CTNNA3: variants seen among roughly 807,000 people sequenced by gnomAD.
The protein encoded by CTNNA3 is catenin alpha 3, also known as catenin alpha-3.
In CTNNA3, 76 loss-of-function variants were observed where a neutral mutation model predicts 95.7. That is an observed-to-expected ratio of 0.79 (90% CI 0.66 to 0.96). CTNNA3 has a LOEUF of 0.96. Ranked by LOEUF, CTNNA3 falls within the 40% of genes least tolerant of loss-of-function variation. The pLI, the probability that CTNNA3 is intolerant of heterozygous loss-of-function variation, is 0.00. For missense variants in CTNNA3, 1,191 were observed against 1,089.8 expected (o/e 1.09, Z -1.31); for synonymous variants, 431 against 374.4 (o/e 1.15, Z -1.74).
chr10:67,219,958 AATGAAAAGATAATAG>A, intron 5 of CTNNA3, 88 bp from the exon 6 acceptor site: 1 of 1,077,684 alleles, frequency 9.3e-7, no homozygotes, highest in Non-Finnish European at 1.3e-6. Context: ...TGTAAGTATA[AATGAAAAGATAATAG>A]ACATGAAGAA....
intron 10 of CTNNA3, among the ~76,000 whole-genome samples, chr10:66,542,221 T>C (rs1841879560): frequency 6.6e-6 from 1 of 152,070 alleles, no homozygotes; most frequent in South Asian, 2.1e-4. Context: ...ATGGCAATCA[T>C]TAAAAAATCA....
chr10:66,517,146 C>T (rs1260026103), intron 11 of CTNNA3, among the ~76,000 whole-genome samples: 5 of 151,802 alleles, frequency 3.3e-5, no homozygotes, highest in Admixed American at 1.3e-4. Context: ...TGCTTGAATC[C>T]GGGAGGTGGA....
intron 12 of CTNNA3, among the ~76,000 whole-genome samples, chr10:66,331,184 G>A (rs2092323052): frequency 6.6e-6 from 1 of 151,750 alleles, no homozygotes; most frequent in Non-Finnish European, 1.5e-5. Context: ...TTCTTCTAGG[G>A]TTTTTATGGT....
intron 13 of CTNNA3, among the ~76,000 whole-genome samples, chr10:66,148,823 A>AACT (rs553419605): frequency 9.5e-4 from 144 of 152,264 alleles, no homozygotes; most frequent in African/African-American, 3.3e-3. Flanking sequence ...CACAAATAGT[A>AACT]ACTACTAGCT....
chr10:66,857,542 A>G (rs1167252817), intron 7 of CTNNA3, among the ~76,000 whole-genome samples: 2 of 152,120 alleles, frequency 1.3e-5, no homozygotes, highest in African/African-American at 4.8e-5. Flanking sequence ...ATTCATGAGC[A>G]TAGGATGTTT....
At chr10:66,780,285 G>T (rs1200503458) in intron 7 of CTNNA3, among the ~76,000 whole-genome samples, 1 of 152,040 alleles carries the variant, frequency 6.6e-6, no homozygotes, top group Non-Finnish European at 1.5e-5. Context: ...TTGAGGAGAT[G>T]ACAAGCAGAA....
intron 5 of CTNNA3, among the ~76,000 whole-genome samples, chr10:67,236,648 C>T (rs1002105592): frequency 6.7e-6 from 1 of 150,374 alleles, no homozygotes; most frequent in Non-Finnish European, 1.5e-5. Flanking sequence ...GTACCCTAAA[C>T]CTTAAAGTAT....
intron 3 of CTNNA3, among the ~76,000 whole-genome samples, chr10:67,586,556 T>C (rs1478752261): frequency 6.6e-6 from 1 of 152,170 alleles, no homozygotes; most frequent in Admixed American, 6.6e-5. Flanking sequence ...TATCATTATA[T>C]AATGATCTTG....
At chr10:66,408,998 G>A (rs1478027247) in intron 11 of CTNNA3, among the ~76,000 whole-genome samples, 1 of 152,044 alleles carries the variant, frequency 6.6e-6, no homozygotes, top group Non-Finnish European at 1.5e-5. Context: ...TTTGCTAATA[G>A]GTACAGTATA....
chr10:67,114,736 G>C (rs1273325528), intron 7 of CTNNA3, among the ~76,000 whole-genome samples: 1 of 151,384 alleles, frequency 6.6e-6, no homozygotes, highest in Non-Finnish European at 1.5e-5. Context: ...GTGTGTGTGT[G>C]TGTGTGTGTA....
chr10:66,098,902 TC>T (rs1161156852), intron 14 of CTNNA3: 2 of 152,234 alleles, frequency 1.3e-5, no homozygotes, highest in African/African-American at 2.4e-5. Flanking sequence ...GCATTATTGG[TC>T]TTTTAATATT....
chr10:65,974,042 A>C (rs1379982338), intron 16 of CTNNA3, among the ~76,000 whole-genome samples: 1 of 152,198 alleles, frequency 6.6e-6, no homozygotes, highest in East Asian at 1.9e-4. Flanking sequence ...AAAATAAGAT[A>C]CTATCTCACA....
At chr10:67,739,626 A>T (rs1428666608) in intron 1 of CTNNA3, among the ~76,000 whole-genome samples, 2 of 151,750 alleles carry the variant, frequency 1.3e-5, no homozygotes, top group African/African-American at 2.4e-5. Flanking sequence ...CTTCAAGGAG[A>T]ACTACAAACC....
chr10:67,690,612 C>T (rs1253783189), intron 1 of CTNNA3, among the ~76,000 whole-genome samples: 1 of 152,130 alleles, frequency 6.6e-6, no homozygotes, highest in African/African-American at 2.4e-5. Flanking sequence ...GTTTACAAAC[C>T]TTTAGCTAGA....
chr10:67,340,746 A>G (rs1842153761), intron 5 of CTNNA3, among the ~76,000 whole-genome samples: 1 of 152,266 alleles, frequency 6.6e-6, no homozygotes, highest in South Asian at 2.1e-4. Flanking sequence ...GCAATTTTAC[A>G]TAAGATGTGG....
chr10:67,402,453 T>G (rs1844958437), intron 5 of CTNNA3, among the ~76,000 whole-genome samples: 1 of 151,992 alleles, frequency 6.6e-6, no homozygotes, highest in Non-Finnish European at 1.5e-5. Context: ...CAATTAGAAG[T>G]AGCTATGGTG....
At chr10:67,577,427 C>G (rs977106779) in intron 3 of CTNNA3, among the ~76,000 whole-genome samples, 1 of 151,884 alleles carries the variant, frequency 6.6e-6, no homozygotes, top group Admixed American at 6.6e-5. Flanking sequence ...TGGATATTAG[C>G]CTTTTGTCAG....
intron 5 of CTNNA3, among the ~76,000 whole-genome samples, chr10:67,464,282 T>C (rs993604781): frequency 6.6e-6 from 1 of 152,168 alleles, no homozygotes; most frequent in Non-Finnish European, 1.5e-5. Context: ...CGCTCCCCTA[T>C]CTTCTTCACC....
intron 11 of CTNNA3, among the ~76,000 whole-genome samples, chr10:66,414,024 A>G (rs12268226): frequency 0.038 from 5,761 of 152,256 alleles, 352 homozygotes; most frequent in African/African-American, 0.13. Flanking sequence ...TTCCTTACAG[A>G]TATATCTTTT....
Sources: allele counts gnomAD v4.1 joint callset (sites outside exome capture counted in the v4.1 genomes callset), GRCh38; gene constraint gnomAD v4.1.1; transcripts MANE v1.5; gene names NCBI Gene and HGNC (gene_info 2026-07-23, HGNC 2026-07-21).